The following KIAA1328 variants were observed in gnomAD, a reference collection of about 807,000 sequenced individuals.
The protein encoded by KIAA1328 is KIAA1328.
Under a neutral mutation model 68.1 loss-of-function variants are expected in KIAA1328, and 52 were observed. The ratio of observed to expected loss-of-function variants is 0.76; its 90% CI spans 0.61 to 0.96. The LOEUF is 0.96. Ranked by LOEUF, KIAA1328 falls within the 40% of genes least tolerant of loss-of-function variation. The probability of loss-of-function intolerance (pLI) is 0.00; values close to 1 mark genes in which losing one functional copy is unlikely to be tolerated. For synonymous variants in KIAA1328, 232 were observed against 239.4 expected, an observed-to-expected ratio of 0.97 and a Z score of 0.28; for missense variants, 641 against 677.6, an observed-to-expected ratio of 0.95 and a Z score of 0.60.
chr18:37,049,180 T>C (rs559203050), intron 6 of KIAA1328, among the ~76,000 whole-genome samples: 57 of 152,250 alleles, frequency 3.7e-4, no homozygotes, highest in Admixed American at 2.8e-3. Context: ...CAAGGAAAGT[T>C]AGAGATGTGA....
chr18:36,958,893 C>A (rs757133507), intron 5 of KIAA1328, among the ~76,000 whole-genome samples: 4 of 151,688 alleles, frequency 2.6e-5, no homozygotes, highest in Non-Finnish European at 5.9e-5. Context: ...AAGTGATCAT[C>A]GCCTAATCCA....
In KIAA1328 at chr18:37,075,925, G is replaced by A. The variant is rs761577886; in HGVS notation, c.1232+8380G>A. 2.1e-3 allele frequency among the ~76,000 whole-genome samples: 318 copies of A among 152,238 alleles called. 1 individual carries two copies. The highest frequency in any genetic ancestry group is 3.4e-3 in the Non-Finnish European group (231 of 68,014). ...CACTGTCAACATTAGACAGATCAACGAGACAGAAAGTTAACAAGGATACCC... is the reference window on the plus strand; with the variant it reads ...CACTGTCAACATTAGACAGATCAACAAGACAGAAAGTTAACAAGGATACCC... On this transcript the variant is annotated intron_variant, in intron 7 of 9. Coordinates refer to ENST00000280020, the MANE Select transcript of KIAA1328 (RefSeq NM_020776.3).
chr18:37,138,013 A>G (rs765451547), intron 7 of KIAA1328, among the ~76,000 whole-genome samples: 46 of 152,074 alleles, frequency 3.0e-4, no homozygotes, highest in Non-Finnish European at 4.3e-4. Context: ...CAATTATAAC[A>G]TCTATCTCTT....
rs2055058600 is a variant in KIAA1328, at chr18:37,037,146, G to GTCC, written c.577-29743_577-29742insCCT. ...TACTGTTCATTGGTTATATATTGCC[G>GTCC]TAACTATTATATAGGGATTTGTATA... On this transcript the variant is annotated intron_variant, in intron 6 of 9. Transcript: ENST00000280020. Among the ~76,000 whole-genome samples, 3 of 149,950 alleles carry GTCC rather than the reference G, an allele frequency of 2.0e-5. No individual in the cohort carries two copies. The South Asian group carries it at 6.7e-4, about 33-fold the overall frequency.
chr18:36,908,762 G>A lies in KIAA1328; in HGVS notation c.448+23090G>A, dbSNP rs1049902316. Among the ~76,000 whole-genome samples the A allele has an allele frequency of 1.2e-4, 18 of 152,184 alleles. 1 individual carries two copies. The highest frequency in any genetic ancestry group is 4.1e-4 in the African/African-American group (17 of 41,512). On this transcript the variant is annotated intron_variant, in intron 5 of 9. Coordinates refer to ENST00000280020, the MANE Select transcript of KIAA1328 (RefSeq NM_020776.3). ...CAGAATTTGCAGCTGTGTGAATCCA[G>A]AATATATATTACCTATTATTTGTAT...
chr18:37,004,528 A>G (rs1382261144), intron 6 of KIAA1328, among the ~76,000 whole-genome samples: 2 of 152,128 alleles, frequency 1.3e-5, no homozygotes, highest in Non-Finnish European at 2.9e-5. Flanking sequence ...ACTAATGATC[A>G]GGGGAACACA....
intron 6 of KIAA1328, among the ~76,000 whole-genome samples, chr18:37,012,047 T>G (rs2053997192): frequency 6.6e-6 from 1 of 152,182 alleles, no homozygotes; most frequent in Non-Finnish European, 1.5e-5. Context: ...TTTGTAGGTA[T>G]TTTGACAGGA....
At chr18:37,202,282 C>A (rs571100016) in intron 9 of KIAA1328, among the ~76,000 whole-genome samples, 1 of 152,132 alleles carries the variant, frequency 6.6e-6, no homozygotes, top group African/African-American at 2.4e-5. Context: ...TTATTTCAGT[C>A]CTCTATCAGT....
At chr18:37,061,505 T>C (rs1038185710) in intron 6 of KIAA1328, among the ~76,000 whole-genome samples, 1 of 152,196 alleles carries the variant, frequency 6.6e-6, no homozygotes, top group African/African-American at 2.4e-5. Flanking sequence ...TTAAAAAAAT[T>C]GTGGTTTCTA....
chr18:37,067,235 C>T lies in KIAA1328; in HGVS notation c.922C>T (p.His308Tyr), dbSNP rs376208853. 3 of 1,613,978 alleles carry T rather than the reference C, an allele frequency of 1.9e-6. No homozygotes were observed. Among genetic ancestry groups the T allele is most frequent in the Non-Finnish European group, 2.5e-6 (3 of 1,179,882 alleles). The change falls in exon 7 of 10, where the codon CAT (histidine) becomes TAT (tyrosine). Residue 308 changes from histidine (H) to tyrosine (Y), a missense_variant. His to Tyr is a moderately conservative substitution (Grantham distance 83). Coordinates refer to ENST00000280020, the MANE Select transcript of KIAA1328 (RefSeq NM_020776.3). ...LKPTPSQCCG[H>Y]RLAADRVHDS... ...GCCTACTCCTAGTCAATGCTGTGGT[C>T]ATAGACTTGCTGCAGATCGTGTTCA...
intron 8 of KIAA1328, among the ~76,000 whole-genome samples, chr18:37,171,899 C>A (rs1295137160): frequency 1.3e-5 from 2 of 152,132 alleles, no homozygotes; most frequent in African/African-American, 4.8e-5. Flanking sequence ...TAGAGTGAGA[C>A]CCTGTCTCAA....
intron 1 of KIAA1328, 79 bp from the exon 2 acceptor site, chr18:36,834,241 A>G (rs778314534): frequency 8.5e-6 from 11 of 1,294,686 alleles, no homozygotes; most frequent in Non-Finnish European, 9.9e-6. Context: ...ATTATGAATT[A>G]TAAGAGGTAT....
intron 9 of KIAA1328, among the ~76,000 whole-genome samples, chr18:37,212,850 A>G (rs1405586191): frequency 1.3e-5 from 2 of 152,102 alleles, no homozygotes. Context: ...CCTCCCGAGT[A>G]GCTGGGACTA....
chr18:36,904,706 C>T (rs2049155267), intron 5 of KIAA1328, among the ~76,000 whole-genome samples: 2 of 152,090 alleles, frequency 1.3e-5, no homozygotes, highest in South Asian at 2.1e-4. Context: ...ATATTTAGAA[C>T]ACTTACATTT....
intron 7 of KIAA1328, among the ~76,000 whole-genome samples, chr18:37,111,648 G>A (rs964999481): frequency 6.6e-6 from 1 of 152,168 alleles, no homozygotes. Flanking sequence ...TCCAACTGAG[G>A]CGCCTGGTTC....
At chr18:37,025,511 A>G (rs1186801191) in intron 6 of KIAA1328, among the ~76,000 whole-genome samples, 1 of 152,230 alleles carries the variant, frequency 6.6e-6, no homozygotes, top group East Asian at 1.9e-4. Flanking sequence ...AACAGAAATT[A>G]TAACAAACTG....
chr18:37,059,093 C>A (rs923065004), intron 6 of KIAA1328, among the ~76,000 whole-genome samples: 2 of 151,896 alleles, frequency 1.3e-5, no homozygotes, highest in African/African-American at 4.8e-5. Flanking sequence ...ATCTCACATG[C>A]AATGTTGATG....
rs549695113 is a variant in KIAA1328 at position 36,945,957 on chromosome 18, G to A, written c.449-13351G>A. 1.6e-4 allele frequency among the ~76,000 whole-genome samples: 25 copies of A among 152,162 alleles called. No individual in the cohort carries two copies. The South Asian group carries it at 5.0e-3, about 30-fold the overall frequency. ...GATTTTGGATTTTTTTAGATCTTGCGGTATTTGCAATATACTTACCAGTTG... is the reference window on the plus strand; with the variant it reads ...GATTTTGGATTTTTTTAGATCTTGCAGTATTTGCAATATACTTACCAGTTG... On this transcript the variant is annotated intron_variant, in intron 5 of 9. Coordinates refer to ENST00000280020, the MANE Select transcript of KIAA1328 (RefSeq NM_020776.3).
rs150221885 is a variant in KIAA1328 at position 36,957,169 on chromosome 18, G to T, written c.449-2139G>T. On this transcript the variant is annotated intron_variant, in intron 5 of 9. Transcript: ENST00000280020. The stretch of plus-strand genomic sequence containing the variant: ...AGTTATTAGAGCAAGAATCTGCCCC[G>T]AAGCAATGATTAGGTTATGAAAATG... Among the ~76,000 whole-genome samples the T allele has an allele frequency of 4.3e-3, 654 of 152,252 alleles. 3 individuals are homozygous for T. Among genetic ancestry groups the T allele is most frequent in the Non-Finnish European group, 6.5e-3 (441 of 68,010 alleles).
Sources: allele counts gnomAD v4.1 joint callset (sites outside exome capture counted in the v4.1 genomes callset), GRCh38; gene constraint gnomAD v4.1.1; transcripts MANE v1.5; gene names NCBI Gene and HGNC (gene_info 2026-07-23, HGNC 2026-07-21).